SH3BGRL: variants seen among roughly 807,000 people sequenced by gnomAD.
The protein encoded by SH3BGRL is adapter SH3BGRL.
Under a neutral mutation model 9.8 loss-of-function variants are expected in SH3BGRL, and 7 were observed. The observed-to-expected ratio is 0.72, with a 90% CI of 0.41 to 1.35. The LOEUF is 1.35. Ranked by LOEUF, SH3BGRL falls within the 40% of genes most tolerant of loss-of-function variation. The pLI is 0.01. For synonymous variants in SH3BGRL, 36 were observed against 29.1 expected, an observed-to-expected ratio of 1.24 and a Z score of -0.76; for missense variants, 73 against 84.4, an observed-to-expected ratio of 0.86 and a Z score of 0.53.
chrX:81,214,612 A>G (rs1420197237), intron 1 of SH3BGRL, among the ~76,000 whole-genome samples: 3 of 111,910 alleles, frequency 2.7e-5, no homozygotes, highest in Non-Finnish European at 5.6e-5. Flanking sequence ...CAGAGACAGA[A>G]CATGAATATT....
At chrX:81,294,692 C>T (rs766880467) in intron 3 of SH3BGRL, among the ~76,000 whole-genome samples, 1 of 111,204 alleles carries the variant, frequency 9.0e-6, no homozygotes, top group East Asian at 2.9e-4. Context: ...GGGCCACTGT[C>T]CTTCAGACCC....
chrX:81,212,902 C>T (rs1206017399), intron 1 of SH3BGRL, among the ~76,000 whole-genome samples: 4 of 112,462 alleles, frequency 3.6e-5, no homozygotes, highest in African/African-American at 9.7e-5. Flanking sequence ...AGTGGATTTA[C>T]TGTAAATCAA....
At chrX:81,285,612 T>G (rs1466641706) in intron 3 of SH3BGRL, among the ~76,000 whole-genome samples, 1 of 112,001 alleles carries the variant, frequency 8.9e-6, no homozygotes, top group Non-Finnish European at 1.9e-5. Flanking sequence ...AACAAGAGGT[T>G]CAACTAAATT....
chrX:81,248,709 G>T (rs56145534), intron 1 of SH3BGRL, among the ~76,000 whole-genome samples: 45,211 of 110,949 alleles, frequency 0.41, 8,285 homozygotes, highest in Admixed American at 0.58. Context: ...ATGGCATCCT[G>T]CTCTTAGCCT....
Position 81,278,415 on chromosome X carries a change from TG to T in SH3BGRL, c.312+5del. ...GACAGCCCCACCTGGTTCAAAGGTA[TG>T]ATACCCTTTTTTTCCTGTTTTATAG... On this transcript the variant is annotated splice_donor_5th_base_variant and intron_variant, in intron 3 of 3. Coordinates refer to ENST00000373212, the MANE Select transcript of SH3BGRL (RefSeq NM_003022.3). The T allele has an allele frequency of 8.9e-7, 1 of 1,120,037 alleles. No homozygotes were observed. The allele number at this position is 1,120,037 out of a possible 1,213,427, so 92.3% of individuals were successfully genotyped here. A position where few individuals can be genotyped will look rare whatever the true frequency, so the allele number is the denominator to read the frequency against.
intron 1 of SH3BGRL, chrX:81,202,499 G>A (rs1488592359): frequency 4.3e-5 from 42 of 973,239 alleles, no homozygotes; most frequent in Non-Finnish European, 5.3e-5. Flanking sequence ...GAAAACGAAA[G>A]CTACCAAGTT....
chrX:81,216,858 G>C (rs1229313230), intron 1 of SH3BGRL, among the ~76,000 whole-genome samples: 2 of 111,549 alleles, frequency 1.8e-5, no homozygotes, highest in Admixed American at 9.5e-5. Flanking sequence ...GGACACATAA[G>C]TTGCTTCCAA....
chrX:81,246,780 AG>A (rs1400438389), intron 1 of SH3BGRL, among the ~76,000 whole-genome samples: 1 of 111,441 alleles, frequency 9.0e-6, no homozygotes, highest in African/African-American at 3.3e-5. Context: ...TAGGATTTCT[AG>A]GGCTATTTGG....
At chrX:81,258,065 T>A (rs984216132) in intron 1 of SH3BGRL, among the ~76,000 whole-genome samples, 1 of 111,343 alleles carries the variant, frequency 9.0e-6, no homozygotes, top group African/African-American at 3.3e-5. Context: ...TGACTTCCTG[T>A]TAGTCTTTAA....
At chrX:81,277,226 T>C (rs1237848715) in intron 2 of SH3BGRL, 57 bp downstream of exon 2, 1 of 1,005,078 alleles carries the variant, frequency 9.9e-7, no homozygotes, top group Admixed American at 2.6e-5. Flanking sequence ...AATCTATCCA[T>C]TATTTTCACC....
At chrX:81,267,682 T>C (rs191812838) in intron 1 of SH3BGRL, among the ~76,000 whole-genome samples, 66 of 111,727 alleles carry the variant, frequency 5.9e-4, no homozygotes, top group Middle Eastern at 4.7e-3. Context: ...TTTGTGTGTG[T>C]CTCTGCCCTG....
chrX:81,294,920 G>A (rs2075869480), intron 3 of SH3BGRL, among the ~76,000 whole-genome samples: 1 of 112,087 alleles, frequency 8.9e-6, no homozygotes, highest in Non-Finnish European at 1.9e-5. Context: ...AGATTTGACT[G>A]CCCTGCTGGA....
At chrX:81,234,784 G>T (rs185675434) in intron 1 of SH3BGRL, among the ~76,000 whole-genome samples, 2 of 111,853 alleles carry the variant, frequency 1.8e-5, no homozygotes, top group Admixed American at 1.9e-4. Context: ...ATCTGAAAGG[G>T]TTGTAATTCT....
At position 81,230,636 on chromosome X, in the gene SH3BGRL, A is replaced by G. The variant is rs1230518599; in HGVS notation, c.45+28391A>G. Among the ~76,000 whole-genome samples, 3 of 112,326 alleles carry G rather than the reference A, an allele frequency of 2.7e-5. No homozygotes were observed. In the East Asian group the frequency reaches 8.4e-4, roughly 31 times the overall value. On this transcript the variant is annotated intron_variant, in intron 1 of 3. Transcript: ENST00000373212. ...GTGTGGCCAGAACAGGCTGAATAAT[A>G]TGCAATAAAATTGGAGTTGAAGTCA...
At chrX:81,232,162 T>C (rs1194110631) in intron 1 of SH3BGRL, among the ~76,000 whole-genome samples, 2 of 111,270 alleles carry the variant, frequency 1.8e-5, no homozygotes, top group Non-Finnish European at 3.8e-5. Context: ...TTATATATGT[T>C]TTATTATTAT....
At chrX:81,278,740 C>G (rs911027370) in intron 3 of SH3BGRL, among the ~76,000 whole-genome samples, 4 of 111,812 alleles carry the variant, frequency 3.6e-5, no homozygotes, top group Non-Finnish European at 5.6e-5. Flanking sequence ...GGTTCTACAT[C>G]GACAGTAAGC....
intron 3 of SH3BGRL, among the ~76,000 whole-genome samples, chrX:81,289,321 C>G (rs1446304137): frequency 9.0e-6 from 1 of 111,658 alleles, no homozygotes; most frequent in Non-Finnish European, 1.9e-5. Context: ...GAAATGACTA[C>G]AAGAAAACAC....
chrX:81,208,961 G>T (rs2075555442), intron 1 of SH3BGRL, among the ~76,000 whole-genome samples: 1 of 108,053 alleles, frequency 9.3e-6, no homozygotes, highest in Non-Finnish European at 1.9e-5. Flanking sequence ...AATGATGCTA[G>T]GTTTTTTGTT....
intron 3 of SH3BGRL, among the ~76,000 whole-genome samples, chrX:81,283,438 A>C (rs1293215315): frequency 8.9e-6 from 1 of 111,943 alleles, no homozygotes; most frequent in Non-Finnish European, 1.9e-5. Flanking sequence ...TAGTTAACTG[A>C]ATCCAACAAA....
Sources: gnomAD v4.1 joint callset for allele counts (sites outside exome capture counted in the v4.1 genomes callset) on GRCh38, gnomAD v4.1.1 for gene constraint, MANE v1.5 for transcripts, NCBI Gene and HGNC (gene_info 2026-07-23, HGNC 2026-07-21) for gene names.